The following ELP2 variants were observed in gnomAD, a reference collection of about 807,000 sequenced individuals.
ELP2 encodes elongator complex protein 2.
Under a neutral mutation model 119.2 loss-of-function variants are expected in ELP2, and 90 were observed. That is an observed-to-expected ratio of 0.75 (90% CI 0.64 to 0.90). The LOEUF (loss-of-function observed/expected upper bound fraction) is 0.90. ELP2 is among the 40% of genes least tolerant of loss of function. ELP2 has a pLI of 0.00. For missense variants in ELP2, 921 were observed against 967.8 expected (o/e 0.95, Z 0.64); for synonymous variants, 339 against 331.0 (o/e 1.02, Z -0.26).
At chr18:36,160,804 T>C in intron 16 of ELP2, 128 bp from the exon 17 acceptor site, 1 of 680,332 alleles carries the variant, frequency 1.5e-6, no homozygotes, top group East Asian at 2.8e-5. Flanking sequence ...TAGACAAACA[T>C]ACAATGTTCC....
intron 8 of ELP2, 89 bp downstream of exon 8, chr18:36,143,055 A>G (rs1270689960): frequency 7.9e-6 from 7 of 885,912 alleles, no homozygotes; most frequent in Non-Finnish European, 1.2e-5. Flanking sequence ...TGTGAAGGAT[A>G]GTTTTTCACA....
Position 36,170,061 on chromosome 18 carries a change from A to C in ELP2, c.2077-2A>C, listed in dbSNP as rs1462660292. On this transcript the variant is annotated splice_acceptor_variant, in intron 19 of 21. Transcript: ENST00000358232. LOFTEE classifies it high-confidence loss of function. ...TTACAGTGTGTGATCTGTCTGTATT[A>C]GGTGGTTGTCTGGGGTGAGTGCGAC... 6.2e-7 allele frequency: 1 copy of C among 1,614,170 alleles called. No individual in the cohort carries two copies. Among genetic ancestry groups the C allele is most frequent in the Non-Finnish European group, 8.5e-7 (1 of 1,180,024 alleles).
Position 36,138,353 on chromosome 18 carries a change from T to C in ELP2, c.372T>C (p.Pro124=). The C allele has an allele frequency of 5.6e-6, 9 of 1,614,156 alleles. No individual in the cohort carries two copies. Among genetic ancestry groups the C allele is most frequent in the Non-Finnish European group, 7.6e-6 (9 of 1,179,972 alleles). ...HAVYQRRTSD[P]ALCTLIVSAA... is the part of the protein sequence containing the mutation. ...TTTACCAGAGGAGGACATCAGATCCTGCATTATGTACACTGATCGTTTCTG... is the reference window on the plus strand; with the variant it reads ...TTTACCAGAGGAGGACATCAGATCCCGCATTATGTACACTGATCGTTTCTG... Residue 124 remains proline, a synonymous_variant, in exon 4 of 22, where the codon CCT becomes CCC. Transcript: ENST00000358232.
In ELP2 at chr18:36,142,276, A is replaced by G. The variant is rs780884475; in HGVS notation, c.589-5A>G. ...CATCAAGCCCAATGATTTTTATCTT[A>G]CTAGTTTCAGAAAGTGCTTTCTCTC... On this transcript the variant is annotated splice_polypyrimidine_tract_variant and splice_region_variant and intron_variant, in intron 6 of 21. Coordinates refer to ENST00000358232, the MANE Select transcript of ELP2 (RefSeq NM_018255.4). The G allele has an allele frequency of 1.2e-5, 19 of 1,612,456 alleles. No homozygotes were observed. Among genetic ancestry groups the G allele is most frequent in the Non-Finnish European group, 1.5e-5 (18 of 1,178,682 alleles).
In ELP2 at chr18:36,174,973, G is replaced by A. The variant is rs754798672; in HGVS notation, c.*332G>A. On this transcript the variant is annotated 3_prime_UTR_variant, in exon 22 of 22. Coordinates refer to ENST00000358232, the MANE Select transcript of ELP2 (RefSeq NM_018255.4). ...CTCCCAAAGTGCTGGGATTACAGGC[G>A]TGAGCCACTGCGCCCAGCCTGAGTT... is the stretch of plus-strand genomic sequence containing the variant. 17 of 310,122 alleles carry A rather than the reference G, an allele frequency of 5.5e-5. No homozygotes were observed. Among genetic ancestry groups the A allele is most frequent in the Admixed American group, 1.9e-4 (4 of 21,214 alleles). The allele number at this position is 310,122 out of a possible 1,614,324, so 19.2% of individuals were successfully genotyped here. A position where few individuals can be genotyped will look rare whatever the true frequency, so the allele number is the denominator to read the frequency against.
intron 21 of ELP2, among the ~76,000 whole-genome samples, chr18:36,173,092 T>C (rs1281837426): frequency 1.3e-5 from 2 of 152,232 alleles, no homozygotes; most frequent in Non-Finnish European, 2.9e-5. Context: ...AGAAACCCAC[T>C]ATCTCAAAGC....
chr18:36,172,876 T>A (rs2091123984), intron 21 of ELP2, among the ~76,000 whole-genome samples: 1 of 152,220 alleles, frequency 6.6e-6, no homozygotes, highest in South Asian at 2.1e-4. Flanking sequence ...AAGATGGAAC[T>A]AATGCGTGAC....
intron 11 of ELP2, among the ~76,000 whole-genome samples, chr18:36,147,653 A>G (rs968545263): frequency 2.1e-5 from 3 of 141,620 alleles, no homozygotes; most frequent in African/African-American, 5.3e-5. Flanking sequence ...ACCTCAGGTG[A>G]TTCTGCCCCT....
intron 20 of ELP2, chr18:36,170,826 C>T: frequency 1.7e-6 from 1 of 574,022 alleles, no homozygotes; most frequent in African/African-American, 1.9e-5. Context: ...GCTCATGGGC[C>T]TTGCCAGCAG....
chr18:36,138,237 T>TC (rs1416481272), intron 3 of ELP2, 33 bp from the exon 4 acceptor site: 7 of 1,583,622 alleles, frequency 4.4e-6, no homozygotes, highest in Non-Finnish European at 6.0e-6. Flanking sequence ...AATCCTTTTT[T>TC]TCACAATGCT....
At chr18:36,130,761 T>C (rs928799171) in intron 1 of ELP2, among the ~76,000 whole-genome samples, 1 of 152,224 alleles carries the variant, frequency 6.6e-6, no homozygotes, top group Admixed American at 6.5e-5. Flanking sequence ...ATACAGTTAG[T>C]CTTGCATCTC....
intron 7 of ELP2, 151 bp from the exon 8 acceptor site, chr18:36,142,675 A>T: frequency 1.6e-6 from 1 of 618,886 alleles, no homozygotes; most frequent in Non-Finnish European, 2.8e-6. Flanking sequence ...ATTAAAAATG[A>T]ATATAGATCA....
At chr18:36,155,797 T>C (rs984611596) in intron 12 of ELP2, among the ~76,000 whole-genome samples, 3 of 152,206 alleles carry the variant, frequency 2.0e-5, no homozygotes, top group Admixed American at 2.0e-4. Context: ...GGAAGCATTA[T>C]CAAGTGTACA....
intron 3 of ELP2, among the ~76,000 whole-genome samples, chr18:36,137,570 A>G (rs1370890647): frequency 6.6e-6 from 1 of 152,124 alleles, no homozygotes; most frequent in African/African-American, 2.4e-5. Context: ...TTTGAAACTT[A>G]AAAAAAGATA....
chr18:36,165,172 C>T (rs1017947302), intron 18 of ELP2: 2 of 156,794 alleles, frequency 1.3e-5, no homozygotes, highest in African/African-American at 4.8e-5. Flanking sequence ...CTCCAGTCAC[C>T]TCCTTCATTG....
Position 36,142,355 on chromosome 18 carries a change from T to A in ELP2, c.655+8T>A, listed in dbSNP as rs1484237892. The A allele has an allele frequency of 6.2e-7, 1 of 1,613,218 alleles. No homozygotes were observed. The highest frequency in any genetic ancestry group is 1.7e-5 in the Admixed American group (1 of 60,020). On this transcript the variant is annotated splice_region_variant and intron_variant, in intron 7 of 21. Transcript: ENST00000358232. ...TGGAATGGGCAGCCTTTGGTCAGTATGAAATTTTGCTAATGCACATACAAT... is the reference window on the plus strand; with the variant it reads ...TGGAATGGGCAGCCTTTGGTCAGTAAGAAATTTTGCTAATGCACATACAAT...
intron 5 of ELP2, among the ~76,000 whole-genome samples, chr18:36,140,578 C>T (rs1228828728): frequency 6.6e-6 from 1 of 152,064 alleles, no homozygotes; most frequent in Non-Finnish European, 1.5e-5. Flanking sequence ...AATTCCTGAC[C>T]TCAGGTGATC....
intron 12 of ELP2, among the ~76,000 whole-genome samples, chr18:36,156,158 G>C (rs1332511771): frequency 6.6e-6 from 1 of 152,192 alleles, no homozygotes; most frequent in Non-Finnish European, 1.5e-5. Context: ...GGGTCAGTCC[G>C]TAAGAGCTAG....
In ELP2 at chr18:36,139,848, AATTT is replaced by A. The variant is rs569200407; in HGVS notation, c.523+989_523+992del. 2.2e-4 allele frequency: 60 copies of A among 267,798 alleles called. No homozygotes were observed. The South Asian group carries it at 2.9e-3, about 13-fold the overall frequency. The allele number at this position is 267,798 out of a possible 1,614,324, so 16.6% of individuals were successfully genotyped here. ...AGCTTTTTAAAATTTTAAAATTTAA[AATTT>A]ATTTATTTATTTTTTAGAGACAAAG... On this transcript the variant is annotated intron_variant, in intron 5 of 21. Coordinates refer to ENST00000358232, the MANE Select transcript of ELP2 (RefSeq NM_018255.4).
Sources: gnomAD v4.1 joint callset for allele counts (sites outside exome capture counted in the v4.1 genomes callset) on GRCh38, gnomAD v4.1.1 for gene constraint, MANE v1.5 for transcripts, NCBI Gene and HGNC (gene_info 2026-07-23, HGNC 2026-07-21) for gene names.